The following TPPP variants were observed in gnomAD, a reference collection of about 807,000 sequenced individuals.
TPPP encodes the protein tubulin polymerization promoting protein.
In TPPP, 6 loss-of-function variants were observed where a neutral mutation model predicts 15.5. The observed-to-expected ratio is 0.39, with a 90% confidence interval of 0.21 to 0.77. The LOEUF (loss-of-function observed/expected upper bound fraction) is 0.77, where lower values mean the gene tolerates loss of function less well. Ranked by LOEUF, TPPP falls within the 30% of genes least tolerant of loss-of-function variation. The pLI, the probability that TPPP is intolerant of heterozygous loss-of-function variation, is 0.42. For synonymous variants in TPPP, 146 were observed against 133.9 expected, an observed-to-expected ratio of 1.09 and a Z score of -0.63; for missense variants, 269 against 307.2, an observed-to-expected ratio of 0.88 and a Z score of 0.93.
At chr5:670,577 C>T (rs1188898259) in intron 2 of TPPP, among the ~76,000 whole-genome samples, 2 of 152,056 alleles carry the variant, frequency 1.3e-5, no homozygotes, top group African/African-American at 4.8e-5. Context: ...GGGGGAGCTT[C>T]TGGGGAGGTT....
At chr5:698,573 G>C in the TPPP span, among the ~76,000 whole-genome samples, 1 of 151,974 alleles carries the variant, frequency 6.6e-6, no homozygotes, top group Non-Finnish European at 1.5e-5. Flanking sequence ...AGGCAAGAGA[G>C]AGGGTGAAAG....
intron 3 of TPPP, 24 bp downstream of exon 3, chr5:665,945 CG>C: frequency 6.6e-7 from 1 of 1,507,646 alleles, no homozygotes; most frequent in South Asian, 1.2e-5. Flanking sequence ...CTCCAGGCCC[CG>C]CCTTCCATCC....
rs577866143 is a variant in TPPP, at chr5:674,234, A to G, written c.311+3516T>C. ...TGGGCGGCACAGAGGGCACCCAGGG[A>G]CTCGTCCCAGATGTGTCCACACGCC... On this transcript the variant is annotated intron_variant, in intron 2 of 3. Coordinates refer to ENST00000360578, the MANE Select transcript of TPPP (RefSeq NM_007030.3). 4.6e-5 allele frequency among the ~76,000 whole-genome samples: 7 copies of G among 152,030 alleles called. No homozygotes were observed. In the East Asian group the frequency reaches 1.4e-3, roughly 29 times the overall value.
intron 3 of TPPP, 107 bp downstream of exon 3, chr5:665,863 C>T: frequency 1.6e-6 from 1 of 629,228 alleles, no homozygotes; most frequent in Non-Finnish European, 2.2e-6. Context: ...CCAGGTCACG[C>T]CCCCAATCCA....
intron 2 of TPPP, among the ~76,000 whole-genome samples, chr5:674,920 C>T (rs1008355969): frequency 3.3e-5 from 5 of 150,056 alleles, no homozygotes; most frequent in East Asian, 2.0e-4. Flanking sequence ...CAGAGTCAGG[C>T]GCCAGTTGCT....
chr5:668,301 A>G lies in TPPP; in HGVS notation c.312-2178T>C, dbSNP rs56763662. 7.8e-3 allele frequency among the ~76,000 whole-genome samples: 345 copies of G among 44,258 alleles called. 30 individuals carry two copies. The highest frequency in any genetic ancestry group is 0.034 in the African/African-American group (253 of 7,520). 29.0% of individuals were successfully genotyped at this position (44,258 alleles called of 152,430 possible). On this transcript the variant is annotated intron_variant, in intron 2 of 3. Coordinates refer to ENST00000360578, the MANE Select transcript of TPPP (RefSeq NM_007030.3). ...TCCGCGTGGGCGCCGTCAGGGAAGT[A>G]CCGACAAGCACACAGAGAGGGGGCC...
chr5:699,417 T>C, the TPPP span, among the ~76,000 whole-genome samples: 1 of 152,066 alleles, frequency 6.6e-6, no homozygotes, highest in Non-Finnish European at 1.5e-5. Context: ...GATTGGCATA[T>C]GCAGCAGAAT....
At chr5:665,890 C>T in intron 3 of TPPP, 80 bp downstream of exon 3, 1 of 862,588 alleles carries the variant, frequency 1.2e-6, no homozygotes, top group Non-Finnish European at 1.5e-6. Context: ...TCCTGACCAC[C>T]CCTCCCCCAG....
chr5:684,551 G>A (rs578067503), intron 1 of TPPP, among the ~76,000 whole-genome samples: 2 of 151,418 alleles, frequency 1.3e-5, no homozygotes, highest in Non-Finnish European at 2.9e-5. Context: ...AGCCCCTGTG[G>A]AGCTCACCCA....
chr5:680,835 A>G (rs1049851650), intron 1 of TPPP, among the ~76,000 whole-genome samples: 1 of 152,206 alleles, frequency 6.6e-6, no homozygotes, highest in African/African-American at 2.4e-5. Flanking sequence ...AATATTTTTT[A>G]AAAGGTTTTT....
chr5:675,164 CTGAGAATG>C (rs1740368576), intron 2 of TPPP, among the ~76,000 whole-genome samples: 13 of 107,772 alleles, frequency 1.2e-4, no homozygotes, highest in East Asian at 2.8e-4. Context: ...TGCAGTGTGG[CTGAGAATG>C]CAACATGGAG....
chr5:670,225 G>C (rs544280385), intron 2 of TPPP, among the ~76,000 whole-genome samples: 1 of 152,154 alleles, frequency 6.6e-6, no homozygotes, highest in Non-Finnish European at 1.5e-5. Flanking sequence ...CGCTGGGCTC[G>C]GGACTGTGCA....
At position 671,434 on chromosome 5, in the gene TPPP, T is replaced by C. The variant is rs1740220303; in HGVS notation, c.312-5311A>G. 2.6e-5 allele frequency among the ~76,000 whole-genome samples: 4 copies of C among 152,286 alleles called. No individual in the cohort carries two copies. The East Asian group carries it at 7.7e-4, about 30-fold the overall frequency. On this transcript the variant is annotated intron_variant, in intron 2 of 3. Coordinates refer to ENST00000360578, the MANE Select transcript of TPPP (RefSeq NM_007030.3). ...CCCAGTCTCGGCCTGGGCAGGGCTT[T>C]GGTCTGTGCACCTGAAGTCAGTTTC...
rs181651606 is a variant in TPPP at position 683,017 on chromosome 5, C to T, written c.-4-4953G>A. ...TCCCTGAGAACCTCTGTCCTGGTCA[C>T]AAGTGTCCTGCAGGCCCCCTGGGTT... On this transcript the variant is annotated intron_variant, in intron 1 of 3. Transcript: ENST00000360578. 2.1e-3 allele frequency among the ~76,000 whole-genome samples: 325 copies of T among 151,610 alleles called. 1 individual carries two copies. The highest frequency in any genetic ancestry group is 7.6e-3 in the African/African-American group (312 of 40,898).
intron 2 of TPPP, among the ~76,000 whole-genome samples, chr5:674,389 C>A (rs1472007302): frequency 6.6e-6 from 1 of 152,158 alleles, no homozygotes; most frequent in Non-Finnish European, 1.5e-5. Flanking sequence ...GAGGAGCTGC[C>A]CTGCCCTTGC....
intron 2 of TPPP, among the ~76,000 whole-genome samples, chr5:669,556 T>G (rs947642493): frequency 6.6e-6 from 1 of 152,086 alleles, no homozygotes; most frequent in Non-Finnish European, 1.5e-5. Flanking sequence ...CAAGCTGACA[T>G]GCGGACGCCA....
chr5:665,938 C>CCCCCCCCCCCCACAAA, intron 3 of TPPP, 32 bp downstream of exon 3: 2 of 1,366,614 alleles, frequency 1.5e-6, no homozygotes, highest in Non-Finnish European at 1.9e-6. Context: ...CCACCCCCTC[C>CCCCCCCCCCCCACAAA]AGGCCCCGCC....
chr5:692,423 C>T (rs1398306673), intron 1 of TPPP: 1 of 640,180 alleles, frequency 1.6e-6, no homozygotes, highest in African/African-American at 2.0e-5. Context: ...CAGCAGCCCC[C>T]AACCCCGTAT....
chr5:661,643 C>T lies in TPPP; in HGVS notation c.*3459G>A, dbSNP rs1739612831. 1 of 152,406 alleles carries T rather than the reference C, an allele frequency of 6.6e-6. No homozygotes were observed. The highest frequency in any genetic ancestry group is 1.5e-5 in the Non-Finnish European group (1 of 68,062). The allele number at this position is 152,406 out of a possible 1,614,324, so 9.4% of individuals were successfully genotyped here. On this transcript the variant is annotated 3_prime_UTR_variant, in exon 4 of 4. Transcript: ENST00000360578. ...TCAGAAACTGACTGAGGAAGATGCA[C>T]GGGTCTGTTATGTGCAGTGGGGCTG...
Sources: gnomAD v4.1 joint callset for allele counts (sites outside exome capture counted in the v4.1 genomes callset) on GRCh38, gnomAD v4.1.1 for gene constraint, MANE v1.5 for transcripts, NCBI Gene and HGNC (gene_info 2026-07-23, HGNC 2026-07-21) for gene names.